MYO1E: variants seen among roughly 807,000 people sequenced by gnomAD.
MYO1E encodes the protein myosin IE.
A neutral mutation model predicts 151.1 loss-of-function variants in MYO1E; 68 were observed. The observed-to-expected ratio is 0.45, with a 90% CI of 0.37 to 0.55. The LOEUF (loss-of-function observed/expected upper bound fraction) is 0.55. Ranked by LOEUF, MYO1E falls within the 20% of genes least tolerant of loss-of-function variation. MYO1E has a pLI of 0.00. For synonymous variants in MYO1E, 601 were observed against 501.7 expected, an observed-to-expected ratio of 1.20 and a Z score of -2.64; for missense variants, 1,363 against 1,389.3, an observed-to-expected ratio of 0.98 and a Z score of 0.30.
At chr15:59,238,834 G>A (rs1393209002) in intron 4 of MYO1E, among the ~76,000 whole-genome samples, 1 of 151,876 alleles carries the variant, frequency 6.6e-6, no homozygotes, top group African/African-American at 2.4e-5. Flanking sequence ...GCCTCCCAAA[G>A]TGCTGGGATT....
At chr15:59,205,346 T>C (rs1263882054) in intron 15 of MYO1E, 54 bp downstream of exon 15, 7 of 1,552,462 alleles carry the variant, frequency 4.5e-6, no homozygotes, top group Middle Eastern at 1.7e-4. Flanking sequence ...TGTTTTCATA[T>C]TGAAAATTTC....
Position 59,231,729 on chromosome 15 carries a change from G to T in MYO1E, c.483C>A (p.Thr161=). 3.1e-6 allele frequency: 5 copies of T among 1,614,118 alleles called. No individual in the cohort carries two copies. The highest frequency in any genetic ancestry group is 4.2e-6 in the Non-Finnish European group (5 of 1,180,010). The change falls in exon 6 of 28, where the codon ACC becomes ACA. Residue 161 remains threonine (T), a synonymous_variant. Coordinates refer to ENST00000288235, the MANE Select transcript of MYO1E (RefSeq NM_004998.4). ...PLLEAFGNAK[T]VRNNNSSRFG... The stretch of plus-strand genomic sequence containing the variant: ...ATCGGCTGGAGTTGTTGTTCCGGAC[G>T]GTCTTGGCGTTCCCGAAGGCCTCCA...
intron 1 of MYO1E, among the ~76,000 whole-genome samples, chr15:59,364,633 G>A (rs1281331479): frequency 2.0e-5 from 3 of 152,198 alleles, no homozygotes; most frequent in Non-Finnish European, 4.4e-5. Context: ...TTGAGGCCCG[G>A]TGTGGTGGCT....
At chr15:59,273,698 TCTA>T (rs1248603535) in intron 1 of MYO1E, among the ~76,000 whole-genome samples, 2 of 142,640 alleles carry the variant, frequency 1.4e-5, no homozygotes, top group Non-Finnish European at 3.0e-5. Context: ...TTCATTATAA[TCTA>T]CACTTATCAG....
intron 3 of MYO1E, among the ~76,000 whole-genome samples, chr15:59,258,643 G>A (rs2080207816): frequency 6.6e-6 from 1 of 152,304 alleles, no homozygotes; most frequent in South Asian, 2.1e-4. Flanking sequence ...CTCGAACCCA[G>A]CAGTTCCAGA....
intron 4 of MYO1E, among the ~76,000 whole-genome samples, chr15:59,250,153 C>A (rs147272265): frequency 2.2e-4 from 33 of 152,154 alleles, no homozygotes; most frequent in Non-Finnish European, 1.8e-4. Flanking sequence ...GATGTCTATG[C>A]CCCTGGAATG....
chr15:59,342,059 T>A (rs539390054), intron 1 of MYO1E, among the ~76,000 whole-genome samples: 1 of 152,250 alleles, frequency 6.6e-6, no homozygotes, highest in Non-Finnish European at 1.5e-5. Context: ...GTCTTCTGGA[T>A]AAAAGCCATT....
At chr15:59,250,291 C>T (rs900544946) in intron 4 of MYO1E, among the ~76,000 whole-genome samples, 1 of 152,192 alleles carries the variant, frequency 6.6e-6, no homozygotes, top group Admixed American at 6.5e-5. Flanking sequence ...AAACTAAAGG[C>T]ATTTGCACAA....
intron 1 of MYO1E, 120 bp from the exon 2 acceptor site, chr15:59,272,569 G>C: frequency 1.8e-6 from 2 of 1,114,934 alleles, no homozygotes; most frequent in Non-Finnish European, 2.6e-6. Flanking sequence ...GAGCAGTGCA[G>C]AGAAAGATTC....
At chr15:59,175,389 A>G (rs1357249571) in intron 19 of MYO1E, among the ~76,000 whole-genome samples, 1 of 152,224 alleles carries the variant, frequency 6.6e-6, no homozygotes, top group East Asian at 1.9e-4. Flanking sequence ...TGTGGTTTGA[A>G]GGCAGCTGGG....
At chr15:59,361,005 A>G (rs1596443604) in intron 1 of MYO1E, among the ~76,000 whole-genome samples, 1 of 152,314 alleles carries the variant, frequency 6.6e-6, no homozygotes, top group African/African-American at 2.4e-5. Context: ...AAGGGTTGAA[A>G]AATGTGTGTG....
In MYO1E at chr15:59,302,820, A is replaced by G. The variant is rs147975817; in HGVS notation, c.4-30371T>C. The stretch of plus-strand genomic sequence containing the variant: ...ATATGTTAAAAATTATTGAAAGTAA[A>G]TAAAAGACACTTGCCAATTTAGAAG... On this transcript the variant is annotated intron_variant, in intron 1 of 27. Coordinates refer to ENST00000288235, the MANE Select transcript of MYO1E (RefSeq NM_004998.4). Among the ~76,000 whole-genome samples the G allele has an allele frequency of 4.4e-3, 668 of 152,368 alleles. 1 individual carries two copies. Among genetic ancestry groups the G allele is most frequent in the Non-Finnish European group, 8.2e-3 (557 of 68,034 alleles).
chr15:59,268,718 G>GTTTTTT (rs1452818863), intron 2 of MYO1E, among the ~76,000 whole-genome samples: 137 of 12,034 alleles, frequency 0.011, 8 homozygotes, highest in East Asian at 0.041. Context: ...GGTGACTTTG[G>GTTTTTT]TATTTTTTTT....
chr15:59,217,897 C>A lies in MYO1E; in HGVS notation c.1101G>T (p.Leu367Phe). The A allele has an allele frequency of 6.2e-7, 1 of 1,614,106 alleles. No individual in the cohort carries two copies. The highest frequency in any genetic ancestry group is 1.1e-5 in the South Asian group (1 of 91,076). ...KALHARVFDF[L>F]VDSINKAMEK... ...ATCAACTTCTGTTACTTACATCTAC[C>A]AAGAAATCAAAGACCCGGGCGTGCA... The change falls in exon 10 of 28, where the codon TTG becomes TTT. Residue 367 changes from leucine (L) to phenylalanine (F), a missense_variant. Coordinates refer to ENST00000288235, the MANE Select transcript of MYO1E (RefSeq NM_004998.4).
At position 59,134,736 on chromosome 15, in the gene MYO1E, C is replaced by G. The variant is rs1292685066; in HGVS notation, c.*2644G>C. 1 of 152,180 alleles carries G rather than the reference C, an allele frequency of 6.6e-6. No individual in the cohort carries two copies. Among genetic ancestry groups the G allele is most frequent in the African/African-American group, 2.4e-5 (1 of 41,430 alleles). The allele number at this position is 152,180 out of a possible 1,614,324, so 9.4% of individuals were successfully genotyped here. On this transcript the variant is annotated 3_prime_UTR_variant, in exon 28 of 28. Transcript: ENST00000288235. ...GCACATGAACACCCCTTATTTCAAACAGGATGGCAAGTTCCAGAAGGTGGG... is the reference window on the plus strand; with the variant it reads ...GCACATGAACACCCCTTATTTCAAAGAGGATGGCAAGTTCCAGAAGGTGGG...
At chr15:59,187,273 A>ATGTT (rs1202519330) in intron 18 of MYO1E, among the ~76,000 whole-genome samples, 1 of 152,256 alleles carries the variant, frequency 6.6e-6, no homozygotes, top group Admixed American at 6.5e-5. Flanking sequence ...CAATTAAAAA[A>ATGTT]TGGCAAAGGG....
chr15:59,197,490 C>G (rs1372447608), intron 16 of MYO1E, among the ~76,000 whole-genome samples: 1 of 152,180 alleles, frequency 6.6e-6, no homozygotes, highest in Non-Finnish European at 1.5e-5. Flanking sequence ...AGATTAGATA[C>G]ATGTATTATC....
chr15:59,365,613 A>C (rs867629559), intron 1 of MYO1E, among the ~76,000 whole-genome samples: 4 of 152,240 alleles, frequency 2.6e-5, no homozygotes, highest in African/African-American at 9.6e-5. Flanking sequence ...AAATGGATTT[A>C]GGATAGAATT....
chr15:59,296,568 C>T (rs28454018), intron 1 of MYO1E, among the ~76,000 whole-genome samples: 8,002 of 152,120 alleles, frequency 0.053, 619 homozygotes, highest in African/African-American at 0.17. Flanking sequence ...GAAACACAGT[C>T]GGGACGTGCT....
Sources: allele counts gnomAD v4.1 joint callset (sites outside exome capture counted in the v4.1 genomes callset), GRCh38; gene constraint gnomAD v4.1.1; transcripts MANE v1.5; gene names NCBI Gene and HGNC (gene_info 2026-07-23, HGNC 2026-07-21).